Variants in HIVEP1 observed in about 807,000 individuals in gnomAD.
HIVEP1 encodes zinc finger protein 40.
In HIVEP1, 36 loss-of-function variants were observed where a neutral mutation model predicts 180.0. The observed-to-expected ratio is 0.20, with a 90% CI of 0.15 to 0.26. The LOEUF (loss-of-function observed/expected upper bound fraction) is 0.26. Ranked by LOEUF, HIVEP1 falls within the 10% of genes least tolerant of loss-of-function variation. The probability of loss-of-function intolerance (pLI) is 1.00; values close to 1 mark genes in which losing one functional copy is unlikely to be tolerated. For missense variants in HIVEP1, 3,143 were observed against 3,268.7 expected (o/e 0.96, Z 0.94); for synonymous variants, 1,239 against 1,239.0 (o/e 1.00, Z 0.00).
chr6:12,112,881 T>A, intron 3 of HIVEP1, among the ~76,000 whole-genome samples: 1 of 152,118 alleles, frequency 6.6e-6, no homozygotes, highest in Admixed American at 6.5e-5. Flanking sequence ...GTTTCCTGCC[T>A]CCCCTGGGGT....
intron 2 of HIVEP1, among the ~76,000 whole-genome samples, chr6:12,079,577 C>G (rs1772631038): frequency 1.3e-5 from 2 of 152,084 alleles, no homozygotes; most frequent in Admixed American, 1.3e-4. Context: ...GACTTTTCTC[C>G]CTTAACTACT....
intron 1 of HIVEP1, among the ~76,000 whole-genome samples, chr6:12,013,324 G>A (rs1487041503): frequency 6.6e-6 from 1 of 152,114 alleles, no homozygotes; most frequent in African/African-American, 2.4e-5. Context: ...CTGTCTTTAC[G>A]CTTTTTGATC....
At chr6:12,096,005 A>G (rs1191308955) in intron 3 of HIVEP1, among the ~76,000 whole-genome samples, 3 of 152,010 alleles carry the variant, frequency 2.0e-5, no homozygotes, top group Non-Finnish European at 2.9e-5. Context: ...GACAATGGCC[A>G]TAGAGAAAGG....
chr6:12,167,647 A>ATGTTATATATACG (rs1562023646), downstream of HIVEP1, among the ~76,000 whole-genome samples: 1 of 95,266 alleles, frequency 1.0e-5, no homozygotes, highest in African/African-American at 5.3e-5. Flanking sequence ...ATACATATAC[A>ATGTTATATATACG]TATATATGTT....
chr6:12,087,559 ATTTG>A (rs1362102767), intron 2 of HIVEP1, among the ~76,000 whole-genome samples: 1 of 152,026 alleles, frequency 6.6e-6, no homozygotes, highest in African/African-American at 2.4e-5. Flanking sequence ...ATGTTATGTG[ATTTG>A]TTTATTATTT....
Position 12,144,665 on chromosome 6 carries a change from A to C in HIVEP1, c.6487+8773A>C, listed in dbSNP as rs145791665. On this transcript the variant is annotated intron_variant, in intron 7 of 8. Transcript: ENST00000379388. ...TATCCAGAATCTACAAATAACTCAA[A>C]CAAGTTTACAAGAAAAAAAACAACC... Among the ~76,000 whole-genome samples the C allele has an allele frequency of 5.4e-3, 826 of 152,332 alleles. 43 individuals are homozygous for C. In the East Asian group the frequency reaches 0.12, roughly 23 times the overall value.
chr6:12,098,985 T>C (rs933720230), intron 3 of HIVEP1, among the ~76,000 whole-genome samples: 1 of 152,112 alleles, frequency 6.6e-6, no homozygotes, highest in African/African-American at 2.4e-5. Context: ...GCGTTGGAAG[T>C]AGCAAATAAG....
chr6:12,099,377 G>A (rs1288407346), intron 3 of HIVEP1, among the ~76,000 whole-genome samples: 2 of 151,814 alleles, frequency 1.3e-5, no homozygotes, highest in South Asian at 2.1e-4. Flanking sequence ...CGTTTTAGCC[G>A]GGATGGTCTC....
intron 2 of HIVEP1, among the ~76,000 whole-genome samples, chr6:12,087,297 A>G (rs1211018193): frequency 6.6e-6 from 1 of 152,132 alleles, no homozygotes; most frequent in Non-Finnish European, 1.5e-5. Context: ...TTACTTAACA[A>G]CAGCTATTCT....
Position 12,120,047 on chromosome 6 carries a change from C to G in HIVEP1, c.252C>G (p.Phe84Leu). 6.2e-7 allele frequency: 1 copy of G among 1,612,976 alleles called. No homozygotes were observed. The highest frequency in any genetic ancestry group is 8.5e-7 in the Non-Finnish European group (1 of 1,179,732). The change falls in exon 4 of 9, where the codon TTC (phenylalanine) becomes TTG (leucine). Residue 84 changes from phenylalanine (F) to leucine (L), a missense_variant. Around this residue, in one of 12 missense-constraint regions of HIVEP1, gnomAD observed 114 missense variants for 134.5 expected, o/e 0.85. Coordinates refer to ENST00000379388, the MANE Select transcript of HIVEP1 (RefSeq NM_002114.4). Reference sequence around the variant, plus strand: ...AACAAAATACAGAAGAGTCATCTTTCGCCGTTCTTCATAGTGCTTCGGAGT... The same window carrying G: ...AACAAAATACAGAAGAGTCATCTTTGGCCGTTCTTCATAGTGCTTCGGAGT... ...KHKQNTEESS[F>L]AVLHSASESH...
chr6:12,168,848 C>T (rs1023956643), downstream of HIVEP1, among the ~76,000 whole-genome samples: 1 of 152,028 alleles, frequency 6.6e-6, no homozygotes, highest in Non-Finnish European at 1.5e-5. Flanking sequence ...GTAGGGTAGG[C>T]TAAGCTATGT....
chr6:12,150,215 C>T (rs3777762), intron 7 of HIVEP1, among the ~76,000 whole-genome samples: 9,598 of 152,212 alleles, frequency 0.063, 355 homozygotes, highest in Middle Eastern at 0.15. Context: ...ATTTTGTTCT[C>T]CTGTTCTTGG....
At chr6:12,147,077 G>C (rs1759417228) in intron 7 of HIVEP1, among the ~76,000 whole-genome samples, 1 of 152,190 alleles carries the variant, frequency 6.6e-6, no homozygotes, top group South Asian at 2.1e-4. Context: ...AAGAGGAATA[G>C]GGTATAAGAG....
At chr6:12,169,137 T>G (rs1367202057), downstream of HIVEP1, among the ~76,000 whole-genome samples, 2 of 152,210 alleles carry the variant, frequency 1.3e-5, no homozygotes, top group Non-Finnish European at 2.9e-5. Context: ...TCCGCCTGCC[T>G]CGGCCTCCCA....
intron 2 of HIVEP1, among the ~76,000 whole-genome samples, chr6:12,030,445 G>T (rs1030900665): frequency 3.3e-5 from 5 of 151,918 alleles, no homozygotes; most frequent in Non-Finnish European, 7.4e-5. Context: ...GGTCTCTGAG[G>T]GTCTGTTAAT....
At chr6:12,030,363 T>G (rs1268790674) in intron 2 of HIVEP1, among the ~76,000 whole-genome samples, 1 of 152,142 alleles carries the variant, frequency 6.6e-6, no homozygotes, top group East Asian at 1.9e-4. Flanking sequence ...TTGGCCATTA[T>G]TTCTTCATAT....
At chr6:12,153,732 C>G (rs1759846294) in intron 7 of HIVEP1, among the ~76,000 whole-genome samples, 1 of 151,914 alleles carries the variant, frequency 6.6e-6, no homozygotes, top group African/African-American at 2.4e-5. Flanking sequence ...TTGATAGTGT[C>G]CTATTAAACA....
At chr6:12,171,858 C>G in the HIVEP1 span, among the ~76,000 whole-genome samples, 3 of 152,188 alleles carry the variant, frequency 2.0e-5, no homozygotes, top group Admixed American at 6.5e-5. Context: ...GTTAAACATT[C>G]TAGTATGATT....
At chr6:12,174,017 A>T in the HIVEP1 span, among the ~76,000 whole-genome samples, 1 of 152,184 alleles carries the variant, frequency 6.6e-6, no homozygotes, top group Non-Finnish European at 1.5e-5. Context: ...GAATTTATTT[A>T]TTTCGGAACA....
Sources: allele counts gnomAD v4.1 joint callset (sites outside exome capture counted in the v4.1 genomes callset), GRCh38; gene constraint gnomAD v4.1.1; regional missense constraint gnomAD v4.1.1; transcripts MANE v1.5; gene names NCBI Gene and HGNC (gene_info 2026-07-23, HGNC 2026-07-21).